Variants in ANKRD16 observed in about 807,000 individuals in gnomAD.
ANKRD16 encodes ankyrin repeat domain 16.
ANKRD16 carries 35 observed loss-of-function variants against 37.9 expected under a neutral mutation model. The observed-to-expected ratio is 0.92, with a 90% CI of 0.71 to 1.23. The LOEUF (loss-of-function observed/expected upper bound fraction) is 1.23. Ranked by LOEUF, ANKRD16 falls within the 50% of genes most tolerant of loss-of-function variation. The probability of loss-of-function intolerance (pLI) is 0.00; values close to 1 mark genes in which losing one functional copy is unlikely to be tolerated. For synonymous variants in ANKRD16, 206 were observed against 197.2 expected (o/e 1.04, Z -0.37); for missense variants, 480 against 469.9 (o/e 1.02, Z -0.20).
Position 5,889,390 on chromosome 10 carries a change from C to T in ANKRD16, c.-36G>A. The T allele has an allele frequency of 1.7e-6, 2 of 1,180,460 alleles. No homozygotes were observed. Among genetic ancestry groups the T allele is most frequent in the Non-Finnish European group, 2.1e-6 (2 of 955,998 alleles). The allele number at this position is 1,180,460 out of a possible 1,614,324, so 73.1% of individuals were successfully genotyped here. A position where few individuals can be genotyped will look rare whatever the true frequency, so the allele number is the denominator to read the frequency against. On this transcript the variant is annotated 5_prime_UTR_variant, in exon 1 of 8. Coordinates refer to ENST00000380094, the MANE Select transcript of ANKRD16 (RefSeq NM_019046.3). ...CGGGCCGGGCTGCGCGGGGAGGCGGCGGGCGGGACACCGGCGGCCGGGCAG... is the reference window on the plus strand; with the variant it reads ...CGGGCCGGGCTGCGCGGGGAGGCGGTGGGCGGGACACCGGCGGCCGGGCAG...
In ANKRD16 at chr10:5,878,513, A is replaced by C. The variant is rs535277312; in HGVS notation, c.929-226T>G. Among the ~76,000 whole-genome samples the C allele has an allele frequency of 6.6e-6, 1 of 152,144 alleles. No individual in the cohort carries two copies. Among genetic ancestry groups the C allele is most frequent in the Non-Finnish European group, 1.5e-5 (1 of 68,030 alleles). On this transcript the variant is annotated intron_variant, in intron 6 of 7. Coordinates refer to ENST00000380094, the MANE Select transcript of ANKRD16 (RefSeq NM_019046.3). The surrounding 1 kb of genome is among the most constrained non-coding windows in gnomAD (Gnocchi z 5.1). The stretch of plus-strand genomic sequence containing the variant: ...CAGTTAGAGAGGATTTAAGAAATTT[A>C]TCTAGGCTGGGCGTGGTGGCTCATG...
At chr10:5,872,843 A>C (rs879870513) in intron 7 of ANKRD16, among the ~76,000 whole-genome samples, 27 of 149,570 alleles carry the variant, frequency 1.8e-4, no homozygotes, top group African/African-American at 4.2e-4. Flanking sequence ...GGCGTGAGCC[A>C]CCGCGCCCGG....
At chr10:5,880,242 G>C in intron 6 of ANKRD16, 56 bp downstream of exon 6, 1 of 595,916 alleles carries the variant, frequency 1.7e-6, no homozygotes, top group Non-Finnish European at 2.8e-6. Flanking sequence ...ATATAAAAGT[G>C]TATTGGTTAT....
At chr10:5,885,911 A>G (rs1278920051) in intron 2 of ANKRD16, 146 bp from the exon 3 acceptor site, 3 of 718,514 alleles carry the variant, frequency 4.2e-6, no homozygotes, top group Admixed American at 2.7e-5. Context: ...TTACCGCCCT[A>G]CACGAATAAA....
At position 5,863,327 on chromosome 10, in the gene ANKRD16, A is replaced by G. The variant is rs1258233092; in HGVS notation, c.*34-636T>C. ...CACAAAGTTAGAGGGCAGAGCTCAT[A>G]TTAAAGGTTCATACTGAGAGGTGAA... On this transcript the variant is annotated intron_variant, in intron 7 of 7. Coordinates refer to ENST00000380094, the MANE Select transcript of ANKRD16 (RefSeq NM_019046.3). This position sits in a 1 kb window ranked among gnomAD's most constrained non-coding sequence, Gnocchi z 4.7. 6.6e-6 allele frequency among the ~76,000 whole-genome samples: 1 copy of G among 152,012 alleles called. No individual in the cohort carries two copies. The highest frequency in any genetic ancestry group is 1.5e-5 in the Non-Finnish European group (1 of 68,018).
intron 7 of ANKRD16, among the ~76,000 whole-genome samples, chr10:5,872,809 G>A (rs1485020529): frequency 3.3e-5 from 5 of 151,694 alleles, no homozygotes; most frequent in South Asian, 4.1e-4. Flanking sequence ...GCCCCCCTTG[G>A]CCTCCCAAAG....
Position 5,870,318 on chromosome 10 carries a change from C to T in ANKRD16, c.*34-7627G>A, listed in dbSNP as rs562588783. Among the ~76,000 whole-genome samples, 18 of 152,182 alleles carry T rather than the reference C, an allele frequency of 1.2e-4. No homozygotes were observed. In the South Asian group the frequency reaches 3.5e-3, roughly 30 times the overall value. ...GCTTCGCAGGGGCCCCCAGTGCACC[C>T]GCACAGTGAGGTCAGCGTTGGCTCT... On this transcript the variant is annotated intron_variant, in intron 7 of 7. Coordinates refer to ENST00000380094, the MANE Select transcript of ANKRD16 (RefSeq NM_019046.3). This position sits in a 1 kb window ranked among gnomAD's most constrained non-coding sequence, Gnocchi z 5.0.
At chr10:5,875,110 C>A (rs796496587) in intron 7 of ANKRD16, among the ~76,000 whole-genome samples, 46 of 151,992 alleles carry the variant, frequency 3.0e-4, no homozygotes, top group African/African-American at 9.9e-4. Context: ...CGCCAGACTG[C>A]GGGGGGTGGG....
chr10:5,883,949 A>G lies in ANKRD16; in HGVS notation c.687+20T>C, dbSNP rs1842365728. On this transcript the variant is annotated intron_variant, in intron 4 of 7. Transcript: ENST00000380094. ...TTTATAGGAAGAACCAAAAGAATAAAAACACAACCATTTTTATACCCCATG... is the reference window on the plus strand; with the variant it reads ...TTTATAGGAAGAACCAAAAGAATAAGAACACAACCATTTTTATACCCCATG... The G allele has an allele frequency of 6.2e-7, 1 of 1,608,544 alleles. No individual in the cohort carries two copies.
chr10:5,873,375 T>C (rs553827485), intron 7 of ANKRD16, among the ~76,000 whole-genome samples: 54 of 151,922 alleles, frequency 3.6e-4, no homozygotes, highest in Non-Finnish European at 7.7e-4. Flanking sequence ...GGTTTCACCA[T>C]ATTAGCCAGG....
intron 4 of ANKRD16, among the ~76,000 whole-genome samples, chr10:5,883,717 C>T (rs1372376695): frequency 2.0e-5 from 3 of 152,216 alleles, no homozygotes; most frequent in Non-Finnish European, 2.9e-5. Flanking sequence ...CTACCATTTA[C>T]TGAATATTTT....
Position 5,871,747 on chromosome 10 carries a change from A to C in ANKRD16, c.*33+6350T>G, listed in dbSNP as rs1020745261. Among the ~76,000 whole-genome samples, 32 of 151,472 alleles carry C rather than the reference A, an allele frequency of 2.1e-4. No homozygotes were observed. Among genetic ancestry groups the C allele is most frequent in the Middle Eastern group, 3.2e-3 (1 of 316 alleles). The stretch of plus-strand genomic sequence containing the variant: ...AAGAGCCTTATCCCACAGAGCCCTC[A>C]CTCCCTCACCGCTGGCTTCCTCCCT... On this transcript the variant is annotated intron_variant, in intron 7 of 7. Transcript: ENST00000380094. The surrounding 1 kb of genome is among the most constrained non-coding windows in gnomAD (Gnocchi z 4.5).
At chr10:5,880,114 C>G (rs1407099470) in intron 6 of ANKRD16, among the ~76,000 whole-genome samples, 184 bp downstream of exon 6, 1 of 133,024 alleles carries the variant, frequency 7.5e-6, no homozygotes, top group Non-Finnish European at 1.5e-5. Flanking sequence ...GCTGAGATGG[C>G]GTGCCACTGC....
chr10:5,872,822 C>A (rs1028800699), intron 7 of ANKRD16, among the ~76,000 whole-genome samples: 8 of 151,796 alleles, frequency 5.3e-5, no homozygotes, highest in Admixed American at 5.3e-4. Flanking sequence ...TCCCAAAGTG[C>A]TGGCATTACA....
chr10:5,881,438 T>TTATAAAAA (rs1422263395), intron 5 of ANKRD16, among the ~76,000 whole-genome samples: 1,147 of 50,936 alleles, frequency 0.023, 25 homozygotes, highest in Non-Finnish European at 0.032. Flanking sequence ...AAAATATTAT[T>TTATAAAAA]TATATATATA....
rs1842023232 is a variant in ANKRD16, at chr10:5,866,910, G to C, written c.*34-4219C>G. The stretch of plus-strand genomic sequence containing the variant: ...AAGAGACAGACAAAGAAGAGTCAGA[G>C]AGAGAGAAACAGAAAGTCAAAGAAA... On this transcript the variant is annotated intron_variant, in intron 7 of 7. Coordinates refer to ENST00000380094, the MANE Select transcript of ANKRD16 (RefSeq NM_019046.3). The surrounding 1 kb of genome is among the most constrained non-coding windows in gnomAD (Gnocchi z 4.3). Among the ~76,000 whole-genome samples the C allele has an allele frequency of 6.6e-6, 1 of 152,026 alleles. No individual in the cohort carries two copies. The highest frequency in any genetic ancestry group is 6.6e-5 in the Admixed American group (1 of 15,252).
At chr10:5,875,269 C>A (rs749847215) in intron 7 of ANKRD16, among the ~76,000 whole-genome samples, 8 of 152,146 alleles carry the variant, frequency 5.3e-5, no homozygotes, top group Non-Finnish European at 1.0e-4. Context: ...GGGCTTAGCA[C>A]ACTATCTCGC....
chr10:5,887,708 C>CCA, intron 2 of ANKRD16, 139 bp downstream of exon 2: 1 of 193,390 alleles, frequency 5.2e-6, no homozygotes, highest in Non-Finnish European at 1.0e-5. Context: ...CCCTCCCCCC[C>CCA]AGATGTTCTT....
At position 5,889,276 on chromosome 10, in the gene ANKRD16, G is replaced by A; in HGVS notation, c.79C>T (p.Gln27Ter). 6.9e-7 allele frequency: 1 copy of A among 1,447,050 alleles called. No individual in the cohort carries two copies. 89.6% of individuals were successfully genotyped at this position (1,447,050 alleles called of 1,614,324 possible). The change falls in exon 1 of 8, where the codon CAG becomes TAG. Residue 27 changes from glutamine (Q) to a stop codon, truncating the protein, a stop_gained. Transcript: ENST00000380094. LOFTEE classifies it high-confidence loss of function. ...GGCCCCGGGCAGCCCCCGGCCGCCTGCAGCTCCTCCTTCAGGGCGCGCAGC... is the reference window on the plus strand; with the variant it reads ...GGCCCCGGGCAGCCCCCGGCCGCCTACAGCTCCTCCTTCAGGGCGCGCAGC... ...GRLRALKEEL[Q>*]AAGGCPGPAG...
Sources: gnomAD v4.1 joint callset for allele counts (sites outside exome capture counted in the v4.1 genomes callset) on GRCh38, gnomAD v4.1.1 for gene constraint, Gnocchi (gnomAD v3.1) non-coding constraint, MANE v1.5 for transcripts, NCBI Gene and HGNC (gene_info 2026-07-23, HGNC 2026-07-21) for gene names.